The following IQCH variants were observed in gnomAD, a reference collection of about 807,000 sequenced individuals.
IQCH encodes IQ domain-containing protein H.
A neutral mutation model predicts 117.0 loss-of-function variants in IQCH; 98 were observed. The observed-to-expected ratio is 0.84, with a 90% confidence interval of 0.71 to 0.99. The LOEUF is 0.99. Ranked by LOEUF, IQCH falls within the 50% of genes least tolerant of loss-of-function variation. The probability of loss-of-function intolerance (pLI) is 0.00; values close to 1 mark genes in which losing one functional copy is unlikely to be tolerated. For synonymous variants in IQCH, 412 were observed against 448.2 expected, an observed-to-expected ratio of 0.92 and a Z score of 1.02; for missense variants, 1,102 against 1,243.8, an observed-to-expected ratio of 0.89 and a Z score of 1.72.
chr15:67,323,993 G>T (rs1417560741), intron 4 of IQCH, among the ~76,000 whole-genome samples: 1 of 124,494 alleles, frequency 8.0e-6, no homozygotes, highest in African/African-American at 3.1e-5. Flanking sequence ...ACCCCGGCTG[G>T]AATGCAATGG....
intron 6 of IQCH, among the ~76,000 whole-genome samples, chr15:67,345,917 T>C (rs1421321448): frequency 6.6e-6 from 1 of 152,238 alleles, no homozygotes; most frequent in Non-Finnish European, 1.5e-5. Context: ...AATGAAGGTA[T>C]ACAGGACCGT....
rs1179870490 is a variant in IQCH at position 67,479,195 on chromosome 15, C to T, written c.2799+3377C>T. Among the ~76,000 whole-genome samples the T allele has an allele frequency of 6.6e-6, 1 of 152,082 alleles. No homozygotes were observed. The highest frequency in any genetic ancestry group is 1.9e-4 in the East Asian group (1 of 5,190). ...TGCGTACTGGCCTCTGAGCTGAGCA[C>T]TTTACTTCATTATCTCATTTATTCT... On this transcript the variant is annotated intron_variant, in intron 18 of 20. Transcript: ENST00000335894. The surrounding 1 kb of genome is among the most constrained non-coding windows in gnomAD (Gnocchi z 4.6).
chr15:67,468,060 A>C (rs996831099), intron 17 of IQCH, among the ~76,000 whole-genome samples: 1 of 152,188 alleles, frequency 6.6e-6, no homozygotes, highest in African/African-American at 2.4e-5. Context: ...AGGCCTGATA[A>C]ATCCCAGACG....
chr15:67,323,275 C>T lies in IQCH; in HGVS notation c.388-13700C>T, dbSNP rs1224680206. On this transcript the variant is annotated intron_variant, in intron 4 of 20. Coordinates refer to ENST00000335894, the MANE Select transcript of IQCH (RefSeq NM_001031715.3). The stretch of plus-strand genomic sequence containing the variant: ...TTTTTTTTTTTGAGACGGAGTCTTG[C>T]TCTGTCGTCCAGGCTGGAGTGCAGT... Among the ~76,000 whole-genome samples the T allele has an allele frequency of 1.5e-4, 17 of 116,880 alleles. No individual in the cohort carries two copies. In the Admixed American group the frequency reaches 2.0e-3, roughly 13 times the overall value. The allele number at this position is 116,880 out of a possible 152,430, so 76.7% of individuals were successfully genotyped here.
intron 4 of IQCH, among the ~76,000 whole-genome samples, chr15:67,315,510 C>T (rs969855721): frequency 3.3e-5 from 5 of 152,008 alleles, no homozygotes; most frequent in Non-Finnish European, 5.9e-5. Flanking sequence ...TCACATTAAT[C>T]CCCGTGGAAT....
At chr15:67,437,456 A>G (rs2082166207) in intron 16 of IQCH, among the ~76,000 whole-genome samples, 1 of 152,210 alleles carries the variant, frequency 6.6e-6, no homozygotes, top group East Asian at 1.9e-4. Flanking sequence ...CCAAATGAGA[A>G]GGAACCAGAA....
In IQCH at chr15:67,411,211, G is replaced by A. The variant is rs148054807; in HGVS notation, c.2098-5720G>A. Among the ~76,000 whole-genome samples, 2,266 of 152,148 alleles carry A rather than the reference G, an allele frequency of 0.015. 58 individuals carry two copies. Among genetic ancestry groups the A allele is most frequent in the African/African-American group, 0.05 (2,075 of 41,512 alleles). On this transcript the variant is annotated intron_variant, in intron 14 of 20. Transcript: ENST00000335894. This position sits in a 1 kb window ranked among gnomAD's most constrained non-coding sequence, Gnocchi z 4.4. ...CTGTACCACTAGCTGATTCAAATCC[G>A]GAGCACCTTTCATGGTGCTCCCCAC...
In IQCH at chr15:67,372,476, C is replaced by T; in HGVS notation, c.1119C>T (p.Ala373=). Reference sequence around the variant, plus strand: ...GCCAAGATGGAAATTCGGAGGCCGCCATGAAGATCCAAGCCACATGGAAAT... The same window carrying T: ...GCCAAGATGGAAATTCGGAGGCCGCTATGAAGATCCAAGCCACATGGAAAT... ...YKGQDGNSEA[A]MKIQATWKCY... is the part of the protein sequence containing the mutation. The change falls in exon 9 of 21, where the codon GCC becomes GCT. Residue 373 remains alanine (A), a synonymous_variant. Coordinates refer to ENST00000335894, the MANE Select transcript of IQCH (RefSeq NM_001031715.3). 6.2e-7 allele frequency: 1 copy of T among 1,614,000 alleles called. No homozygotes were observed. Among genetic ancestry groups the T allele is most frequent in the Admixed American group, 1.7e-5 (1 of 59,996 alleles).
chr15:67,320,253 G>A (rs1968051727), intron 4 of IQCH, among the ~76,000 whole-genome samples: 1 of 152,180 alleles, frequency 6.6e-6, no homozygotes, highest in African/African-American at 2.4e-5. Context: ...TATGACCCCA[G>A]CCAGTATTTA....
rs147101909 is a variant in IQCH, at chr15:67,372,562, T to C, written c.1205T>C (p.Ile402Thr). 1.8e-5 allele frequency: 29 copies of C among 1,614,010 alleles called. No individual in the cohort carries two copies. In the African/African-American group the frequency reaches 3.6e-4, roughly 20 times the overall value. The change falls in exon 9 of 21, where the codon ATT (isoleucine) becomes ACT (threonine). Residue 402 changes from isoleucine (I) to threonine (T), a missense_variant. This residue lies in a region of IQCH where 650 missense variants were observed against 794.3 expected (regional missense o/e 0.82). Transcript: ENST00000335894. ...CAGCAGAAGTGGGCATCAGGTGTGATTGCCATTGCTTGGCTGTTATATTGC... is the reference window on the plus strand; with the variant it reads ...CAGCAGAAGTGGGCATCAGGTGTGACTGCCATTGCTTGGCTGTTATATTGC... ...YRQQKWASGV[I>T]AIAWLLYCHK...
rs901815719 is a variant in IQCH, at chr15:67,439,069, A to G, written c.2505+17492A>G. On this transcript the variant is annotated intron_variant, in intron 16 of 20. Coordinates refer to ENST00000335894, the MANE Select transcript of IQCH (RefSeq NM_001031715.3). ...TGGAACAAATGGACTTAACAGATAT[A>G]TACAGAACATTTCATCCAACAACTG... 7.2e-5 allele frequency among the ~76,000 whole-genome samples: 11 copies of G among 152,246 alleles called. No individual in the cohort carries two copies. The South Asian group carries it at 1.7e-3, about 23-fold the overall frequency.
chr15:67,320,046 C>T lies in IQCH; in HGVS notation c.388-16929C>T, dbSNP rs574888741. Among the ~76,000 whole-genome samples, 28 of 152,308 alleles carry T rather than the reference C, an allele frequency of 1.8e-4. No individual in the cohort carries two copies. The South Asian group carries it at 5.2e-3, about 28-fold the overall frequency. ...CGCTCCTAGCCTCCTTTCAGGTTTG[C>T]TTAGGCATCTCTTCCACAGACTTTA... is the stretch of plus-strand genomic sequence containing the variant. On this transcript the variant is annotated intron_variant, in intron 4 of 20. Coordinates refer to ENST00000335894, the MANE Select transcript of IQCH (RefSeq NM_001031715.3).
intron 4 of IQCH, among the ~76,000 whole-genome samples, chr15:67,320,975 T>G (rs759121783): frequency 6.6e-6 from 1 of 152,196 alleles, no homozygotes; most frequent in African/African-American, 2.4e-5. Context: ...TAGCAATGTT[T>G]CCCAAACTTC....
intron 13 of IQCH, among the ~76,000 whole-genome samples, chr15:67,396,662 TC>T (rs980787242): frequency 2.0e-5 from 3 of 152,064 alleles, no homozygotes; most frequent in African/African-American, 4.8e-5. Context: ...TCACAAATTA[TC>T]CCCCCTACCC....
intron 16 of IQCH, among the ~76,000 whole-genome samples, chr15:67,460,637 A>AT (rs1161946291): frequency 6.6e-6 from 1 of 152,030 alleles, no homozygotes; most frequent in Non-Finnish European, 1.5e-5. Flanking sequence ...CATTCTAACC[A>AT]TTTTTAACAA....
At chr15:67,420,128 A>T (rs1003018305) in intron 15 of IQCH, among the ~76,000 whole-genome samples, 1 of 152,248 alleles carries the variant, frequency 6.6e-6, no homozygotes, top group Non-Finnish European at 1.5e-5. Context: ...GCATGTCTCA[A>T]ACAAACCAAA....
At chr15:67,478,289 G>A (rs573585971) in intron 18 of IQCH, among the ~76,000 whole-genome samples, 1 of 152,216 alleles carries the variant, frequency 6.6e-6, no homozygotes, top group South Asian at 2.1e-4. Context: ...GGAGGCTGAG[G>A]CAGAAGAATC....
At chr15:67,322,726 A>G (rs1353507777) in intron 4 of IQCH, among the ~76,000 whole-genome samples, 2 of 152,154 alleles carry the variant, frequency 1.3e-5, no homozygotes, top group African/African-American at 4.8e-5. Flanking sequence ...TTGAAGGTTG[A>G]GGAGGGCAGA....
intron 7 of IQCH, among the ~76,000 whole-genome samples, chr15:67,358,404 C>G (rs1596252690): frequency 6.6e-6 from 1 of 151,192 alleles, no homozygotes; most frequent in African/African-American, 2.4e-5. Flanking sequence ...CTATGTTGGC[C>G]AGGCTGGTCT....
Sources: gnomAD v4.1 joint callset for allele counts (sites outside exome capture counted in the v4.1 genomes callset) on GRCh38, gnomAD v4.1.1 for gene constraint, gnomAD v4.1.1 regional missense constraint, Gnocchi (gnomAD v3.1) non-coding constraint, MANE v1.5 for transcripts, NCBI Gene and HGNC (gene_info 2026-07-23, HGNC 2026-07-21) for gene names.